Variants in PLEKHA7 observed in about 807,000 individuals in gnomAD.
PLEKHA7 encodes the protein pleckstrin homology domain-containing family A member 7.
PLEKHA7 carries 104 observed loss-of-function variants against 170.0 expected under a neutral mutation model. The observed-to-expected ratio is 0.61, with a 90% CI of 0.52 to 0.72. The LOEUF (loss-of-function observed/expected upper bound fraction) is 0.72, where lower values mean the gene tolerates loss of function less well. PLEKHA7 is among the 30% of genes least tolerant of loss of function. The pLI is 0.00. For synonymous variants in PLEKHA7, 648 were observed against 660.8 expected (o/e 0.98, Z 0.30); for missense variants, 1,615 against 1,671.7 (o/e 0.97, Z 0.59).
chr11:16,944,222 C>T (rs752414039), intron 3 of PLEKHA7, among the ~76,000 whole-genome samples: 11 of 152,150 alleles, frequency 7.2e-5, no homozygotes, highest in African/African-American at 9.6e-5. Flanking sequence ...GGTGTGGTGG[C>T]GGGCGCCTGT....
chr11:16,842,113 A>G, intron 8 of PLEKHA7: 1 of 180,620 alleles, frequency 5.5e-6, no homozygotes, highest in South Asian at 1.4e-4. Flanking sequence ...GGCTATAATC[A>G]GACAAGAATT....
chr11:16,823,365 A>G (rs1263637651), intron 10 of PLEKHA7, among the ~76,000 whole-genome samples: 1 of 152,134 alleles, frequency 6.6e-6, no homozygotes, highest in East Asian at 1.9e-4. Flanking sequence ...CAACTACATC[A>G]AAATCTCTGG....
intron 3 of PLEKHA7, among the ~76,000 whole-genome samples, chr11:16,977,493 G>A (rs1456471558): frequency 6.6e-6 from 1 of 152,048 alleles, no homozygotes; most frequent in Non-Finnish European, 1.5e-5. Context: ...CGATCCCCTG[G>A]TGTATTTCTT....
At chr11:16,854,732 G>A (rs955497029) in intron 6 of PLEKHA7, among the ~76,000 whole-genome samples, 157 bp downstream of exon 6, 2 of 152,094 alleles carry the variant, frequency 1.3e-5, no homozygotes, top group African/African-American at 2.4e-5. Context: ...AAGAACAAAC[G>A]GCAAATAATG....
At chr11:16,868,430 C>G (rs918181446) in intron 4 of PLEKHA7, among the ~76,000 whole-genome samples, 4 of 152,136 alleles carry the variant, frequency 2.6e-5, no homozygotes, top group African/African-American at 9.7e-5. Context: ...CAGGTGAGTC[C>G]TACCTGCCAA....
intron 3 of PLEKHA7, among the ~76,000 whole-genome samples, chr11:16,904,920 G>A (rs1348524584): frequency 6.6e-6 from 1 of 152,130 alleles, no homozygotes; most frequent in Non-Finnish European, 1.5e-5. Context: ...TTTGTACCCT[G>A]TCAAATCCAT....
intron 10 of PLEKHA7, among the ~76,000 whole-genome samples, chr11:16,823,663 T>C (rs1564964342): frequency 6.6e-6 from 1 of 152,198 alleles, no homozygotes. Context: ...ATCTGAATGC[T>C]AACTCCAACT....
Position 16,816,166 on chromosome 11 carries a change from C to CACA in PLEKHA7, c.1953+11_1953+12insTGT, listed in dbSNP as rs1462036986. ...TAGGGCTTTGCAGGCTATGTCTTGTCATTCACCCTACCGATTTTCCATGTA... is the reference window on the plus strand; with the variant it reads ...TAGGGCTTTGCAGGCTATGTCTTGTCACAATTCACCCTACCGATTTTCCATGTA... On this transcript the variant is annotated intron_variant, in intron 12 of 26. Coordinates refer to ENST00000531066, the MANE Select transcript of PLEKHA7 (RefSeq NM_001329630.2). 7.5e-6 allele frequency: 12 copies of CACA among 1,601,394 alleles called. No individual in the cohort carries two copies. In the Admixed American group the frequency reaches 2.0e-4, roughly 27 times the overall value.
At chr11:16,910,498 A>G (rs868509775) in intron 3 of PLEKHA7, among the ~76,000 whole-genome samples, 1 of 152,238 alleles carries the variant, frequency 6.6e-6, no homozygotes, top group South Asian at 2.1e-4. Context: ...AAATTTTACA[A>G]GTCCCCAAAC....
chr11:17,000,612 C>A (rs575964847), intron 3 of PLEKHA7, among the ~76,000 whole-genome samples: 2 of 152,216 alleles, frequency 1.3e-5, no homozygotes, highest in Non-Finnish European at 2.9e-5. Context: ...AACCAGGCCA[C>A]ATTTCACCTT....
intron 3 of PLEKHA7, among the ~76,000 whole-genome samples, chr11:16,876,178 T>C (rs1212994781): frequency 6.6e-6 from 1 of 152,240 alleles, no homozygotes; most frequent in Non-Finnish European, 1.5e-5. Flanking sequence ...TCTCATGTCC[T>C]ATCACTGTGT....
intron 3 of PLEKHA7, among the ~76,000 whole-genome samples, chr11:16,889,414 AAAAAAAATAT>A (rs1008087627): frequency 6.1e-5 from 7 of 114,890 alleles, no homozygotes; most frequent in South Asian, 2.5e-4. Context: ...AAAAAAAAAA[AAAAAAAATAT>A]ATATATATAT....
rs183727422 is a variant in PLEKHA7, at chr11:17,012,974, G to C, written c.221+1015C>G. On this transcript the variant is annotated intron_variant, in intron 3 of 26. Transcript: ENST00000531066. Reference sequence around the variant, plus strand: ...GAAATAGGCTGCTTTATTCCTAACAGTAGTAGTTCTGACTCACAGTCGCCG... The same window carrying C: ...GAAATAGGCTGCTTTATTCCTAACACTAGTAGTTCTGACTCACAGTCGCCG... The C allele has an allele frequency of 2.7e-5, 4 of 150,852 alleles. No homozygotes were observed. In the East Asian group the frequency reaches 8.0e-4, roughly 30 times the overall value. The allele number at this position is 150,852 out of a possible 1,614,324, so 9.3% of individuals were successfully genotyped here.
chr11:16,850,152 T>A (rs574807756), intron 8 of PLEKHA7, among the ~76,000 whole-genome samples: 1 of 152,320 alleles, frequency 6.6e-6, no homozygotes, highest in East Asian at 1.9e-4. Flanking sequence ...TACCTTGAGC[T>A]TTCCCGTGGT....
intron 3 of PLEKHA7, among the ~76,000 whole-genome samples, chr11:17,003,815 C>T (rs1231808152): frequency 6.6e-6 from 1 of 152,214 alleles, no homozygotes; most frequent in Non-Finnish European, 1.5e-5. Flanking sequence ...CCCTGCTGCC[C>T]AGGCCAGTAT....
chr11:16,789,129 G>A lies in PLEKHA7; in HGVS notation c.3324C>T (p.Tyr1108=). 1 of 1,608,138 alleles carries A rather than the reference G, an allele frequency of 6.2e-7. No individual in the cohort carries two copies. The highest frequency in any genetic ancestry group is 8.5e-7 in the Non-Finnish European group (1 of 1,179,986). The stretch of plus-strand genomic sequence containing the variant: ...GATCTCCAGGGAGCGGCCGGCTGAG[G>A]TAGCGAGATGAGGGCAGGCCCGTCC... ...GERTGLPSSR[Y]LSRPLPGDLG... is the part of the protein sequence containing the mutation. The change falls in exon 23 of 27, where the codon TAC becomes TAT. Residue 1108 remains tyrosine, a synonymous_variant. Transcript: ENST00000531066. The surrounding 1 kb of genome is among the most constrained non-coding windows in gnomAD (Gnocchi z 4.6).
intron 4 of PLEKHA7, among the ~76,000 whole-genome samples, chr11:16,862,882 T>C (rs1425437601): frequency 1.3e-5 from 2 of 152,174 alleles, no homozygotes; most frequent in South Asian, 2.1e-4. Flanking sequence ...TCTGCTACCA[T>C]GGCAACCAAA....
In PLEKHA7 at chr11:16,778,715, G is replaced by T; in HGVS notation, c.*283C>A. 1 of 498,814 alleles carries T rather than the reference G, an allele frequency of 2.0e-6. No homozygotes were observed. The highest frequency in any genetic ancestry group is 3.6e-6 in the Non-Finnish European group (1 of 274,344). 30.9% of individuals were successfully genotyped at this position (498,814 alleles called of 1,614,324 possible). On this transcript the variant is annotated 3_prime_UTR_variant, in exon 27 of 27. Coordinates refer to ENST00000531066, the MANE Select transcript of PLEKHA7 (RefSeq NM_001329630.2). ...AACCTTCCTGCCACTCAGCCCTTGA[G>T]GGGAACATTAGAAAATAGATTCCGA...
At chr11:16,843,585 T>G (rs1852143720) in intron 8 of PLEKHA7, among the ~76,000 whole-genome samples, 2 of 152,248 alleles carry the variant, frequency 1.3e-5, no homozygotes, top group South Asian at 4.1e-4. Context: ...ATGTATCAGC[T>G]ATCATTCACT....
Sources: allele counts gnomAD v4.1 joint callset (sites outside exome capture counted in the v4.1 genomes callset), GRCh38; gene constraint gnomAD v4.1.1; non-coding constraint Gnocchi (gnomAD v3.1); transcripts MANE v1.5; gene names NCBI Gene and HGNC (gene_info 2026-07-23, HGNC 2026-07-21).